Variants in SYNDIG1 observed in about 807,000 individuals in gnomAD.
SYNDIG1 encodes the protein synapse differentiation-inducing gene protein 1.
In SYNDIG1, 9 loss-of-function variants were observed where a neutral mutation model predicts 19.4. That is an observed-to-expected ratio of 0.46 (90% CI 0.28 to 0.81). The LOEUF (loss-of-function observed/expected upper bound fraction) is 0.81, where lower values mean the gene tolerates loss of function less well. Among genes scored for constraint, SYNDIG1 ranks in the 30% least tolerant of loss-of-function variants. The pLI, the probability that SYNDIG1 is intolerant of heterozygous loss-of-function variation, is 0.12. For missense variants in SYNDIG1, 311 were observed against 343.3 expected, an observed-to-expected ratio of 0.91 and a Z score of 0.74; for synonymous variants, 141 against 145.9, an observed-to-expected ratio of 0.97 and a Z score of 0.24.
chr20:24,654,932 A>G (rs1255638765), intron 3 of SYNDIG1, among the ~76,000 whole-genome samples: 3 of 152,240 alleles, frequency 2.0e-5, no homozygotes, highest in African/African-American at 7.2e-5. Context: ...TACTTTTCCC[A>G]ACTGTCAGTC....
At chr20:24,480,512 T>C (rs1384568121) in intron 1 of SYNDIG1, among the ~76,000 whole-genome samples, 2 of 152,242 alleles carry the variant, frequency 1.3e-5, no homozygotes, top group African/African-American at 4.8e-5. Context: ...GGAACCCATG[T>C]GCACTACTTG....
chr20:24,528,342 T>C (rs1170929350), intron 1 of SYNDIG1, among the ~76,000 whole-genome samples: 2 of 152,258 alleles, frequency 1.3e-5, no homozygotes, highest in Non-Finnish European at 2.9e-5. Context: ...ATATTTCTGC[T>C]CACCCTTGCT....
intron 2 of SYNDIG1, among the ~76,000 whole-genome samples, chr20:24,560,693 A>T (rs1575873): frequency 5.7e-5 from 8 of 139,232 alleles, no homozygotes; most frequent in South Asian, 2.2e-4. Flanking sequence ...TCTGTTGACT[A>T]CTTTTTTTTT....
At chr20:24,597,494 G>A (rs1477795982) in intron 3 of SYNDIG1, among the ~76,000 whole-genome samples, 1 of 152,122 alleles carries the variant, frequency 6.6e-6, no homozygotes, top group Non-Finnish European at 1.5e-5. Context: ...CAGACTCACT[G>A]GGTGAGTCTG....
In SYNDIG1 at chr20:24,665,390, C is replaced by G; in HGVS notation, c.663C>G (p.Thr221=). The change falls in exon 4 of 4, where the codon ACC becomes ACG. Residue 221 remains threonine, a synonymous_variant. Transcript: ENST00000376862. ...VAKGDLHQAS[T]SSRRALFLAV... is the part of the protein sequence containing the mutation. ...AGGGGGACTTGCACCAGGCCAGCAC[C>G]AGCTCCCGGCGGGCCCTATTCCTGG... 1.2e-6 allele frequency: 2 copies of G among 1,611,004 alleles called. No individual in the cohort carries two copies. Among genetic ancestry groups the G allele is most frequent in the Non-Finnish European group, 1.7e-6 (2 of 1,178,988 alleles).
chr20:24,590,520 G>T (rs907074752), intron 3 of SYNDIG1, among the ~76,000 whole-genome samples: 1 of 152,150 alleles, frequency 6.6e-6, no homozygotes, highest in African/African-American at 2.4e-5. Context: ...GTGGTCAAAC[G>T]CAGAACCGTG....
intron 3 of SYNDIG1, among the ~76,000 whole-genome samples, chr20:24,611,649 G>GC (rs1479789198): frequency 6.6e-6 from 1 of 151,808 alleles, no homozygotes; most frequent in Non-Finnish European, 1.5e-5. Flanking sequence ...CCCTCCAGGA[G>GC]CCCCTCCTCA....
At chr20:24,474,671 G>T (rs973574557) in intron 1 of SYNDIG1, among the ~76,000 whole-genome samples, 3 of 152,218 alleles carry the variant, frequency 2.0e-5, no homozygotes, top group African/African-American at 7.2e-5. Context: ...TTTAGAGAAT[G>T]AGTCTGAAGG....
chr20:24,580,131 G>A (rs568977977), intron 2 of SYNDIG1, among the ~76,000 whole-genome samples: 4 of 152,118 alleles, frequency 2.6e-5, no homozygotes, highest in Non-Finnish European at 5.9e-5. Context: ...TTTTCAGTCC[G>A]CAGATGTACA....
chr20:24,627,482 TC>T (rs1453618529), intron 3 of SYNDIG1, among the ~76,000 whole-genome samples: 1 of 152,174 alleles, frequency 6.6e-6, no homozygotes, highest in African/African-American at 2.4e-5. Context: ...TGAGAACTCC[TC>T]CCCTGATTCT....
chr20:24,475,007 CA>C (rs1291963727), intron 1 of SYNDIG1, among the ~76,000 whole-genome samples: 2 of 152,220 alleles, frequency 1.3e-5, no homozygotes, highest in Admixed American at 6.5e-5. Flanking sequence ...ACCTCAAATA[CA>C]CTTGGAACCA....
intron 1 of SYNDIG1, among the ~76,000 whole-genome samples, chr20:24,517,055 A>T (rs1050391845): frequency 1.3e-5 from 2 of 152,196 alleles, no homozygotes; most frequent in African/African-American, 4.8e-5. Context: ...GCAAGAACAA[A>T]AAACCAAACA....
At chr20:24,624,708 C>T (rs1199069322) in intron 3 of SYNDIG1, among the ~76,000 whole-genome samples, 1 of 152,118 alleles carries the variant, frequency 6.6e-6, no homozygotes, top group African/African-American at 2.4e-5. Flanking sequence ...ACCTTATTAA[C>T]ATTAAAAGAA....
chr20:24,644,703 T>C (rs1377248833), intron 3 of SYNDIG1, among the ~76,000 whole-genome samples: 1 of 152,250 alleles, frequency 6.6e-6, no homozygotes, highest in Non-Finnish European at 1.5e-5. Context: ...AGGAACCAGC[T>C]ATCTGAGAGA....
chr20:24,486,909 G>A (rs1260139944), intron 1 of SYNDIG1, among the ~76,000 whole-genome samples: 8 of 152,062 alleles, frequency 5.3e-5, no homozygotes, highest in East Asian at 1.9e-4. Context: ...CACCTGCCTC[G>A]GCCTCCCAAA....
chr20:24,490,589 C>T (rs374094140), intron 1 of SYNDIG1, among the ~76,000 whole-genome samples: 45 of 152,262 alleles, frequency 3.0e-4, no homozygotes, highest in African/African-American at 7.9e-4. Context: ...ATGAATGAAG[C>T]GAGCACGCCA....
intron 1 of SYNDIG1, among the ~76,000 whole-genome samples, chr20:24,510,245 G>C (rs1048309652): frequency 1.3e-5 from 2 of 152,074 alleles, no homozygotes; most frequent in Admixed American, 1.3e-4. Flanking sequence ...CCTACTCTTG[G>C]TTTGCTTTTT....
intron 3 of SYNDIG1, among the ~76,000 whole-genome samples, chr20:24,645,344 C>T (rs1025525573): frequency 2.0e-5 from 3 of 152,226 alleles, no homozygotes; most frequent in Non-Finnish European, 2.9e-5. Context: ...AGTAGGAACA[C>T]AGCTCGTTTA....
chr20:24,604,691 G>T (rs532048205), intron 3 of SYNDIG1, among the ~76,000 whole-genome samples: 1 of 152,248 alleles, frequency 6.6e-6, no homozygotes, highest in South Asian at 2.1e-4. Flanking sequence ...GAGCCAACCA[G>T]CAGCCCTCCC....
Sources: allele counts gnomAD v4.1 joint callset (sites outside exome capture counted in the v4.1 genomes callset), GRCh38; gene constraint gnomAD v4.1.1; transcripts MANE v1.5; gene names NCBI Gene and HGNC (gene_info 2026-07-23, HGNC 2026-07-21).